Variants in EYS observed in about 807,000 individuals in gnomAD.
EYS encodes protein eyes shut homolog.
EYS carries 250 observed loss-of-function variants against 282.1 expected under a neutral mutation model. That is an observed-to-expected ratio of 0.89 (90% CI 0.80 to 0.98). The LOEUF (loss-of-function observed/expected upper bound fraction) is 0.98, where lower values mean the gene tolerates loss of function less well. Ranked by LOEUF, EYS falls within the 50% of genes least tolerant of loss-of-function variation. The pLI is 0.00. For missense variants in EYS, 4,016 were observed against 3,709.0 expected, an observed-to-expected ratio of 1.08 and a Z score of -2.15; for synonymous variants, 1,355 against 1,282.9, an observed-to-expected ratio of 1.06 and a Z score of -1.20.
intron 14 of EYS, among the ~76,000 whole-genome samples, chr6:64,965,521 C>T (rs990499050): frequency 7.2e-5 from 11 of 151,946 alleles, no homozygotes; most frequent in African/African-American, 2.4e-4. Context: ...ATCATTCAGA[C>T]TTTTCATTCT....
chr6:64,009,516 C>A (rs533410525), intron 33 of EYS, among the ~76,000 whole-genome samples: 1 of 152,216 alleles, frequency 6.6e-6, no homozygotes, highest in Admixed American at 6.5e-5. Context: ...AATCTCTTGA[C>A]CTCGTGATCT....
intron 12 of EYS, among the ~76,000 whole-genome samples, chr6:65,207,825 G>C (rs145001581): frequency 1.3e-5 from 2 of 151,486 alleles, no homozygotes; most frequent in African/African-American, 4.8e-5. Flanking sequence ...GCTAGTCTAC[G>C]TATAACAATG....
intron 11 of EYS, among the ~76,000 whole-genome samples, chr6:65,312,370 G>A (rs1187391409): frequency 6.6e-6 from 1 of 151,902 alleles, no homozygotes; most frequent in Admixed American, 6.6e-5. Context: ...CTGGGTTTAG[G>A]GTCAGAGGTG....
At chr6:65,343,866 A>C (rs1770290990) in intron 10 of EYS, among the ~76,000 whole-genome samples, 172 bp downstream of exon 10, 1 of 151,588 alleles carries the variant, frequency 6.6e-6, no homozygotes, top group Admixed American at 6.6e-5. Context: ...ACGTAAATAT[A>C]AATTTCCAAG....
At chr6:65,129,007 T>C (rs1775794770) in intron 12 of EYS, among the ~76,000 whole-genome samples, 1 of 151,860 alleles carries the variant, frequency 6.6e-6, no homozygotes, top group South Asian at 2.1e-4. Context: ...GATTAAGTCA[T>C]ACAGCTACAA....
intron 12 of EYS, among the ~76,000 whole-genome samples, chr6:65,261,353 T>A (rs1285908391): frequency 6.6e-6 from 1 of 151,918 alleles, no homozygotes; most frequent in Non-Finnish European, 1.5e-5. Flanking sequence ...CTCATCCAAA[T>A]ATATACAAAG....
Position 64,893,085 on chromosome 6 carries a change from C to T in EYS, c.2847-6243G>A, listed in dbSNP as rs1441878298. Among the ~76,000 whole-genome samples, 3 of 151,996 alleles carry T rather than the reference C, an allele frequency of 2.0e-5. No homozygotes were observed. In the East Asian group the frequency reaches 5.8e-4, roughly 29 times the overall value. ...CAAATTCTATTTAGTTGTAAATTTT[C>T]AGTAGATGGATACTATTGTGAGTGA... On this transcript the variant is annotated intron_variant, in intron 18 of 42. Coordinates refer to ENST00000503581, the MANE Select transcript of EYS (RefSeq NM_001142800.2).
chr6:64,648,386 T>C (rs548330179), intron 22 of EYS, among the ~76,000 whole-genome samples: 2 of 152,346 alleles, frequency 1.3e-5, no homozygotes, highest in East Asian at 3.9e-4. Context: ...ATTTCTACTC[T>C]ATTATTTCTG....
intron 10 of EYS, among the ~76,000 whole-genome samples, chr6:65,337,306 TTC>T (rs202044113): frequency 0.011 from 1,676 of 151,612 alleles, 34 homozygotes; most frequent in African/African-American, 0.038. Flanking sequence ...GCTATAAGTT[TTC>T]TCTGTGTCTG....
rs565731407 is a variant in EYS at position 64,124,172 on chromosome 6, C to T, written c.6425-42170G>A. Among the ~76,000 whole-genome samples the T allele has an allele frequency of 8.5e-5, 13 of 152,218 alleles. No homozygotes were observed. In the East Asian group the frequency reaches 1.4e-3, roughly 16 times the overall value. On this transcript the variant is annotated intron_variant, in intron 31 of 42. Transcript: ENST00000503581. ...CTTATTTTCATTTGAAAGCTGTAGC[C>T]GGGAGCAAAGATTCACTTTGTTTTG...
At chr6:64,196,960 G>T (rs1433198222) in intron 31 of EYS, among the ~76,000 whole-genome samples, 4 of 150,340 alleles carry the variant, frequency 2.7e-5, no homozygotes, top group Non-Finnish European at 4.4e-5. Context: ...CGTGGCTCCT[G>T]TTTGTCTTTA....
chr6:65,061,413 C>T (rs531922227), intron 12 of EYS, among the ~76,000 whole-genome samples: 1 of 151,944 alleles, frequency 6.6e-6, no homozygotes, highest in East Asian at 1.9e-4. Context: ...TTTAGGTTCA[C>T]AGCAATATTA....
intron 14 of EYS, among the ~76,000 whole-genome samples, chr6:64,967,378 G>T (rs1364220192): frequency 1.3e-5 from 2 of 151,474 alleles, no homozygotes; most frequent in South Asian, 4.2e-4. Flanking sequence ...AAGCTGGAGT[G>T]CAGTGGCATG....
At chr6:64,306,201 G>T (rs904647624) in intron 30 of EYS, among the ~76,000 whole-genome samples, 1 of 152,102 alleles carries the variant, frequency 6.6e-6, no homozygotes, top group African/African-American at 2.4e-5. Context: ...TAAAGGAAAA[G>T]AGGGTCCAAA....
At chr6:64,691,390 A>G (rs146408499) in intron 22 of EYS, among the ~76,000 whole-genome samples, 23 of 152,336 alleles carry the variant, frequency 1.5e-4, no homozygotes, top group African/African-American at 5.1e-4. Context: ...GAACCTACAG[A>G]ACAGCTAATA....
At chr6:63,790,359 G>T (rs1233125086) in intron 37 of EYS, among the ~76,000 whole-genome samples, 1 of 152,194 alleles carries the variant, frequency 6.6e-6, no homozygotes, top group Non-Finnish European at 1.5e-5. Flanking sequence ...GTGGAAGACA[G>T]AAATATTATT....
chr6:63,993,929 G>A (rs1034077139), intron 34 of EYS, among the ~76,000 whole-genome samples: 1 of 151,892 alleles, frequency 6.6e-6, no homozygotes, highest in Non-Finnish European at 1.5e-5. Context: ...AAAGTGTATG[G>A]TGCTGGCATA....
At chr6:65,601,229 G>C (rs1765607960) in intron 2 of EYS, among the ~76,000 whole-genome samples, 1 of 151,854 alleles carries the variant, frequency 6.6e-6, no homozygotes, top group South Asian at 2.1e-4. Context: ...AGGTTAATTT[G>C]AGAGTAGTTT....
At chr6:65,583,448 C>G (rs1224629789) in intron 2 of EYS, among the ~76,000 whole-genome samples, 1 of 151,704 alleles carries the variant, frequency 6.6e-6, no homozygotes, top group Non-Finnish European at 1.5e-5. Context: ...TTAAGGATGC[C>G]AAAAGTAAAA....
Sources: allele counts gnomAD v4.1 joint callset (sites outside exome capture counted in the v4.1 genomes callset), GRCh38; gene constraint gnomAD v4.1.1; transcripts MANE v1.5; gene names NCBI Gene and HGNC (gene_info 2026-07-23, HGNC 2026-07-21).